MARK2: variants seen among roughly 807,000 people sequenced by gnomAD.
MARK2 encodes the protein serine/threonine-protein kinase MARK2.
MARK2 carries 16 observed loss-of-function variants against 89.8 expected under a neutral mutation model. The observed-to-expected ratio is 0.18, with a 90% CI of 0.12 to 0.27. The LOEUF is 0.27. Ranked by LOEUF, MARK2 falls within the 10% of genes least tolerant of loss-of-function variation. The pLI, the probability that MARK2 is intolerant of heterozygous loss-of-function variation, is 1.00. For synonymous variants in MARK2, 382 were observed against 399.5 expected, an observed-to-expected ratio of 0.96 and a Z score of 0.52; for missense variants, 621 against 1,049.9, an observed-to-expected ratio of 0.59 and a Z score of 5.65.
At chr11:63,870,411 G>T (rs894946198) in intron 1 of MARK2, among the ~76,000 whole-genome samples, 1 of 152,100 alleles carries the variant, frequency 6.6e-6, no homozygotes, top group Non-Finnish European at 1.5e-5. Flanking sequence ...TTCTAGCCCT[G>T]ACCCAGGCTA....
intron 1 of MARK2, among the ~76,000 whole-genome samples, chr11:63,852,443 T>A (rs953419985): frequency 6.6e-6 from 1 of 152,120 alleles, no homozygotes; most frequent in African/African-American, 2.4e-5. Flanking sequence ...AAACTCCTAA[T>A]TTTAAAAATT....
chr11:63,902,187 G>T lies in MARK2; in HGVS notation c.1102-11G>T, dbSNP rs148750832. On this transcript the variant is annotated splice_polypyrimidine_tract_variant and intron_variant, in intron 11 of 18. Coordinates refer to ENST00000402010, the MANE Select transcript of MARK2 (RefSeq NM_001039469.3). This position sits in a 1 kb window ranked among gnomAD's most constrained non-coding sequence, Gnocchi z 4.2. ...CTGCCCTCCCTTGAAGCTGTTTTCT[G>T]TTTCTTTCAGCTGGAAGGCGACACC... 2.6e-4 allele frequency: 421 copies of T among 1,613,812 alleles called. No homozygotes were observed. The African/African-American group carries it at 5.2e-3, about 20-fold the overall frequency.
chr11:63,886,350 C>T (rs1939396787), intron 1 of MARK2, among the ~76,000 whole-genome samples: 1 of 151,918 alleles, frequency 6.6e-6, no homozygotes, highest in African/African-American at 2.4e-5. Context: ...TCTCGAATTC[C>T]CAGGCGCAAG....
chr11:63,897,575 C>T (rs1432041275), intron 3 of MARK2, among the ~76,000 whole-genome samples: 1 of 152,232 alleles, frequency 6.6e-6, no homozygotes, highest in Admixed American at 6.5e-5. Flanking sequence ...TTCTCTGGCC[C>T]CCGCAGAGGG....
chr11:63,867,754 G>A (rs1938213906), intron 1 of MARK2, among the ~76,000 whole-genome samples: 1 of 152,148 alleles, frequency 6.6e-6, no homozygotes, highest in Non-Finnish European at 1.5e-5. Context: ...TCTCACCATG[G>A]CTGACGCCGT....
chr11:63,842,576 C>A (rs1331192742), intron 1 of MARK2, among the ~76,000 whole-genome samples: 2 of 152,122 alleles, frequency 1.3e-5, no homozygotes, highest in Non-Finnish European at 2.9e-5. Flanking sequence ...CCAGGTATAT[C>A]AAACACTGGC....
intron 1 of MARK2, among the ~76,000 whole-genome samples, chr11:63,869,636 G>A (rs765980868): frequency 2.6e-5 from 4 of 152,240 alleles, no homozygotes; most frequent in South Asian, 2.1e-4. Context: ...ATGTTTCTGA[G>A]GTGTGCTACT....
Position 63,839,353 on chromosome 11 carries a change from G to T in MARK2, c.-154G>T. On this transcript the variant is annotated 5_prime_UTR_variant, in exon 1 of 19. Coordinates refer to ENST00000402010, the MANE Select transcript of MARK2 (RefSeq NM_001039469.3). ...AGCCCGAGCGGCGCATCCCCGGGCT[G>T]GCGTGAGCGGCTGCCCGGCCTCCCC... 5 of 545,720 alleles carry T rather than the reference G, an allele frequency of 9.2e-6. No homozygotes were observed. In the South Asian group the frequency reaches 1.1e-4, roughly 12 times the overall value. 33.8% of individuals were successfully genotyped at this position (545,720 alleles called of 1,614,324 possible).
chr11:63,902,266 C>T lies in MARK2; in HGVS notation c.1170C>T (p.Ser390=), dbSNP rs762992842. The change falls in exon 12 of 19, where the codon TCC becomes TCT. Residue 390 remains serine (S), a synonymous_variant. Coordinates refer to ENST00000402010, the MANE Select transcript of MARK2 (RefSeq NM_001039469.3). This position sits in a 1 kb window ranked among gnomAD's most constrained non-coding sequence, Gnocchi z 4.2. ...ATCTGACCAATAGCAGCGCCCCATCCCCATCCCACAAGGTACAGCGCAGCG... is the reference window on the plus strand; with the variant it reads ...ATCTGACCAATAGCAGCGCCCCATCTCCATCCCACAAGGTACAGCGCAGCG... ...SADLTNSSAP[S]PSHKVQRSVS... 2 of 1,614,162 alleles carry T rather than the reference C, an allele frequency of 1.2e-6. No homozygotes were observed. The highest frequency in any genetic ancestry group is 1.3e-5 in the African/African-American group (1 of 75,034).
chr11:63,841,049 AACTTG>A (rs1336425525), intron 1 of MARK2, among the ~76,000 whole-genome samples: 1 of 151,960 alleles, frequency 6.6e-6, no homozygotes, highest in Non-Finnish European at 1.5e-5. Flanking sequence ...AGGCCAAAAA[AACTTG>A]ACTTGAAAAA....
chr11:63,901,934 C>T lies in MARK2; in HGVS notation c.1102-264C>T, dbSNP rs113702320. 2.9e-3 allele frequency among the ~76,000 whole-genome samples: 448 copies of T among 151,938 alleles called. 3 individuals carry two copies. The highest frequency in any genetic ancestry group is 0.011 in the African/African-American group (440 of 41,416). On this transcript the variant is annotated intron_variant, in intron 11 of 18. Transcript: ENST00000402010. ...TGAGGGGAGTGGACTTGAGTCTGGA[C>T]ATGTGTTCTTGCGGATGTTTGTGTC...
chr11:63,846,139 C>G (rs755743764), intron 1 of MARK2, among the ~76,000 whole-genome samples: 2 of 152,166 alleles, frequency 1.3e-5, no homozygotes, highest in African/African-American at 4.8e-5. Flanking sequence ...AGTTCCTCCT[C>G]TTGCCCTCTA....
chr11:63,865,126 A>G (rs1938056971), intron 1 of MARK2, among the ~76,000 whole-genome samples: 1 of 152,044 alleles, frequency 6.6e-6, no homozygotes, highest in African/African-American at 2.4e-5. Context: ...CCTGGCGTCA[A>G]GCAACCTACC....
intron 1 of MARK2, among the ~76,000 whole-genome samples, chr11:63,849,220 A>C (rs559353823): frequency 5.3e-5 from 8 of 152,276 alleles, no homozygotes; most frequent in Admixed American, 2.0e-4. Flanking sequence ...CCGCCACAGA[A>C]GACTGTCATT....
At chr11:63,841,938 A>G (rs945573435) in intron 1 of MARK2, among the ~76,000 whole-genome samples, 3 of 152,242 alleles carry the variant, frequency 2.0e-5, no homozygotes, top group East Asian at 1.9e-4. Flanking sequence ...CCATGATAGC[A>G]GCAATCAGTG....
rs763420975 is a variant in MARK2 at position 63,900,975 on chromosome 11, G to A, written c.1007G>A (p.Gly336Asp). Residue 336 changes from glycine (G) to aspartate (D), a missense_variant, in exon 11 of 19, where the codon GGT becomes GAT. Physicochemically the swap from Gly to Asp is moderately conservative, Grantham distance 94 (BLOSUM62 -1). Around this residue, in one of 5 missense-constraint regions of MARK2, gnomAD observed 397 missense variants for 567.8 expected, o/e 0.70. Coordinates refer to ENST00000402010, the MANE Select transcript of MARK2 (RefSeq NM_001039469.3). This position sits in a 1 kb window ranked among gnomAD's most constrained non-coding sequence, Gnocchi z 4.7. ...PRRTELMVSM[G>D]YTREEIQDSL... ...TGTGCAGAGCTGATGGTGTCCATGG[G>A]TTATACACGGGAAGAGATCCAGGAC... 3.1e-6 allele frequency: 5 copies of A among 1,613,954 alleles called. No individual in the cohort carries two copies. In the Admixed American group the frequency reaches 8.3e-5, roughly 27 times the overall value.
intron 1 of MARK2, among the ~76,000 whole-genome samples, chr11:63,856,028 A>G (rs1322914084): frequency 6.6e-6 from 1 of 152,236 alleles, no homozygotes; most frequent in South Asian, 2.1e-4. Context: ...TTAAGCATAT[A>G]AAGAGTTCTT....
At chr11:63,850,114 A>G (rs1047254988) in intron 1 of MARK2, 1 of 152,118 alleles carries the variant, frequency 6.6e-6, no homozygotes, top group African/African-American at 2.4e-5. Flanking sequence ...CTGGGGTCCT[A>G]TAGGTGCTTT....
At chr11:63,871,246 C>T (rs1938429734) in intron 1 of MARK2, among the ~76,000 whole-genome samples, 1 of 152,224 alleles carries the variant, frequency 6.6e-6, no homozygotes, top group Non-Finnish European at 1.5e-5. Flanking sequence ...GCTCCCCCCA[C>T]CGCCATGTGC....
Sources: gnomAD v4.1 joint callset for allele counts (sites outside exome capture counted in the v4.1 genomes callset) on GRCh38, gnomAD v4.1.1 for gene constraint, gnomAD v4.1.1 regional missense constraint, Gnocchi (gnomAD v3.1) non-coding constraint, MANE v1.5 for transcripts, NCBI Gene and HGNC (gene_info 2026-07-23, HGNC 2026-07-21) for gene names.